The following SORBS2 variants were observed in gnomAD, a reference collection of about 807,000 sequenced individuals.
SORBS2 encodes sorbin and SH3 domain containing 2.
SORBS2 carries 46 observed loss-of-function variants against 97.7 expected under a neutral mutation model. That is an observed-to-expected ratio of 0.47 (90% CI 0.37 to 0.60). The LOEUF is 0.60. Ranked by LOEUF, SORBS2 falls within the 20% of genes least tolerant of loss-of-function variation. SORBS2 has a pLI of 0.00. For synonymous variants in SORBS2, 476 were observed against 473.4 expected, an observed-to-expected ratio of 1.01 and a Z score of -0.07; for missense variants, 1,316 against 1,282.3, an observed-to-expected ratio of 1.03 and a Z score of -0.40.
exon 7 of SORBS2, chr4:185,624,058 G>A: frequency 6.2e-7 from 1 of 1,614,154 alleles, no homozygotes; most frequent in South Asian, 1.1e-5. Context: ...GCATTTTCTT[G>A]TACATCTTCA....
chr4:185,912,794 A>T (rs2099256041), intron 1 of SORBS2, among the ~76,000 whole-genome samples: 1 of 152,120 alleles, frequency 6.6e-6, no homozygotes, highest in Non-Finnish European at 1.5e-5. Flanking sequence ...CATCAAGCAA[A>T]ATATTTGATC....
intron 4 of SORBS2, among the ~76,000 whole-genome samples, chr4:185,664,964 A>G (rs977366779): frequency 6.6e-6 from 1 of 152,310 alleles, no homozygotes; most frequent in East Asian, 1.9e-4. Flanking sequence ...TCTGTGCCAT[A>G]AAATTTTGAA....
At chr4:185,888,691 A>G (rs544323819) in intron 1 of SORBS2, among the ~76,000 whole-genome samples, 28 of 152,320 alleles carry the variant, frequency 1.8e-4, no homozygotes, top group African/African-American at 6.7e-4. Flanking sequence ...TCTAGGTTCT[A>G]AAATCCTGCC....
intron 1 of SORBS2, among the ~76,000 whole-genome samples, chr4:185,912,170 G>A (rs1194144650): frequency 6.6e-6 from 1 of 152,054 alleles, no homozygotes; most frequent in Non-Finnish European, 1.5e-5. Context: ...AATTAGCAGT[G>A]CTTCTTTCTT....
intron 1 of SORBS2, among the ~76,000 whole-genome samples, chr4:185,917,276 G>A (rs896193572): frequency 2.0e-5 from 3 of 152,154 alleles, no homozygotes; most frequent in African/African-American, 7.2e-5. Flanking sequence ...GCCCAGGCTG[G>A]AGTGCAGTGG....
rs150906718 is a variant in SORBS2, at chr4:185,680,994, A to C, written c.-197-2172T>G. Reference sequence around the variant, plus strand: ...GTCCCTGTGCCACTGGAAACATTAGACAGTAAGAGGGGTGGGCTGTTCTGA... The same window carrying C: ...GTCCCTGTGCCACTGGAAACATTAGCCAGTAAGAGGGGTGGGCTGTTCTGA... On this transcript the variant is annotated intron_variant, in intron 2 of 20. Transcript: ENST00000284776. 1.3e-3 allele frequency among the ~76,000 whole-genome samples: 198 copies of C among 152,182 alleles called. 1 individual carries two copies. Among genetic ancestry groups the C allele is most frequent in the African/African-American group, 4.6e-3 (190 of 41,520 alleles).
At chr4:185,866,268 C>A (rs1222719765) in intron 1 of SORBS2, among the ~76,000 whole-genome samples, 1 of 152,114 alleles carries the variant, frequency 6.6e-6, no homozygotes, top group Non-Finnish European at 1.5e-5. Context: ...ACAAACCAAG[C>A]GCAGTGTTTA....
chr4:185,947,933 G>A (rs1408611589), intron 1 of SORBS2, among the ~76,000 whole-genome samples: 1 of 152,148 alleles, frequency 6.6e-6, no homozygotes, highest in Admixed American at 6.5e-5. Flanking sequence ...TTTAAAGGAA[G>A]TTCAAATGAG....
chr4:185,611,774 TCTTAC>T lies in SORBS2; in HGVS notation c.2796+1_2796+5del. 1 of 1,611,488 alleles carries T rather than the reference TCTTAC, an allele frequency of 6.2e-7. No homozygotes were observed. The highest frequency in any genetic ancestry group is 8.5e-7 in the Non-Finnish European group (1 of 1,177,610). On this transcript the variant is annotated splice_donor_variant and splice_donor_5th_base_variant and intron_variant, in intron 12 of 14. Coordinates refer to ENST00000418609, the Ensembl canonical transcript of SORBS2. LOFTEE classifies it high-confidence loss of function. ...ATTACATTAACATGATAGAGTATGT[TCTTAC>T]CTTATTTGAGCTCAAGCTGTGAATC...
upstream of SORBS2, chr4:185,657,348 A>C (rs1364422824): frequency 1.5e-5 from 21 of 1,369,012 alleles, no homozygotes; most frequent in East Asian, 5.8e-4. Context: ...CTAGGAATGC[A>C]CAAAGCCGTG....
chr4:185,895,095 G>A (rs979541571), intron 1 of SORBS2, among the ~76,000 whole-genome samples: 4 of 152,204 alleles, frequency 2.6e-5, no homozygotes, highest in African/African-American at 9.7e-5. Context: ...GTGCTTCTAA[G>A]AATCCATGAC....
At chr4:185,685,857 A>G (rs1259261899) in intron 2 of SORBS2, among the ~76,000 whole-genome samples, 2 of 152,190 alleles carry the variant, frequency 1.3e-5, no homozygotes, top group African/African-American at 2.4e-5. Flanking sequence ...ACTATGATTC[A>G]TATCTTTAAA....
At chr4:185,589,584 A>C in intron 14 of SORBS2, 95 bp downstream of exon 26, 2 of 754,174 alleles carry the variant, frequency 2.7e-6, no homozygotes, top group Non-Finnish European at 4.8e-6. Flanking sequence ...TTACGAATTC[A>C]AAGGAAGCTC....
chr4:185,661,979 T>A, intron 5 of SORBS2, 125 bp downstream of exon 8: 3 of 1,011,412 alleles, frequency 3.0e-6, no homozygotes, highest in Non-Finnish European at 4.3e-6. Context: ...CCCCAGTTTC[T>A]CCCTGGGGAT....
At chr4:185,730,310 CTTT>C (rs67749971) in intron 2 of SORBS2, among the ~76,000 whole-genome samples, 21,620 of 125,714 alleles carry the variant, frequency 0.17, 1,425 homozygotes, top group Middle Eastern at 0.23. Context: ...AATATACTTT[CTTT>C]TTTTTTTTTT....
chr4:185,688,375 T>C (rs2098014739), intron 2 of SORBS2, among the ~76,000 whole-genome samples: 1 of 152,138 alleles, frequency 6.6e-6, no homozygotes, highest in Admixed American at 6.6e-5. Context: ...TAAAGAGATA[T>C]ATTCCTGTTT....
At chr4:185,694,723 T>TTTTTTTTTTG (rs1489055314) in intron 2 of SORBS2, among the ~76,000 whole-genome samples, 1 of 147,470 alleles carries the variant, frequency 6.8e-6, no homozygotes, top group African/African-American at 2.5e-5. Context: ...TTTCTTTTTT[T>TTTTTTTTTTG]TGAGACGGAG....
At chr4:185,697,957 T>C (rs1254968022) in intron 2 of SORBS2, among the ~76,000 whole-genome samples, 1 of 152,224 alleles carries the variant, frequency 6.6e-6, no homozygotes, top group Admixed American at 6.5e-5. Context: ...TCAAAAGAAT[T>C]ATGTAATCTA....
chr4:185,731,606 C>G (rs2098630718), intron 2 of SORBS2, among the ~76,000 whole-genome samples: 1 of 119,788 alleles, frequency 8.3e-6, no homozygotes, highest in Non-Finnish European at 1.7e-5. Context: ...CTGCCTATCT[C>G]TCTCTCTCCC....
Sources: gnomAD v4.1 joint callset for allele counts (sites outside exome capture counted in the v4.1 genomes callset) on GRCh38, gnomAD v4.1.1 for gene constraint, MANE v1.5 for transcripts, NCBI Gene and HGNC (gene_info 2026-07-23, HGNC 2026-07-21) for gene names.